The following MAP2 variants were observed in gnomAD, a reference collection of about 807,000 sequenced individuals.
MAP2 encodes microtubule associated protein 2, also known as microtubule-associated protein 2.
A neutral mutation model predicts 137.6 loss-of-function variants in MAP2; 14 were observed. The ratio of observed to expected loss-of-function variants is 0.10; its 90% CI spans 0.07 to 0.16. The LOEUF (loss-of-function observed/expected upper bound fraction) is 0.16. MAP2 is among the 10% of genes least tolerant of loss of function. The probability of loss-of-function intolerance (pLI) is 1.00; values close to 1 mark genes in which losing one functional copy is unlikely to be tolerated. For synonymous variants in MAP2, 786 were observed against 782.3 expected (o/e 1.00, Z -0.08); for missense variants, 2,088 against 2,191.5 (o/e 0.95, Z 0.94).
chr2:209,687,560 C>T (rs1583436882), intron 7 of MAP2, among the ~76,000 whole-genome samples: 1 of 152,248 alleles, frequency 6.6e-6, no homozygotes, highest in East Asian at 1.9e-4. Context: ...TCACTGTCTC[C>T]CATCCTCCAT....
chr2:209,637,487 A>C (rs534005064), intron 4 of MAP2, among the ~76,000 whole-genome samples: 86 of 152,150 alleles, frequency 5.7e-4, no homozygotes, highest in African/African-American at 1.9e-3. Context: ...AGGTAAAATA[A>C]AATAAGGTAA....
intron 2 of MAP2, among the ~76,000 whole-genome samples, chr2:209,575,437 C>A (rs1260000507): frequency 7.3e-6 from 1 of 136,738 alleles, no homozygotes; most frequent in Admixed American, 8.1e-5. Context: ...AGGAGAATGG[C>A]GTGAACCCGG....
rs748319171 is a variant in MAP2 at position 209,653,192 on chromosome 2, G to A, written c.22G>A (p.Glu8Lys). The A allele has an allele frequency of 1.9e-6, 3 of 1,600,428 alleles. No individual in the cohort carries two copies. The highest frequency in any genetic ancestry group is 1.8e-5 in the Admixed American group (1 of 56,542). ...AAGAATGGCAGATGAACGGAAAGAT[G>A]AAGCAAAGGCACCTCACTGGACCTC... MADERKD[E>K]AKAPHWTSAP... The change falls in exon 5 of 16, where the codon GAA becomes AAA. Residue 8 changes from glutamate (E) to lysine (K), a missense_variant. By Grantham distance (56) the Glu-to-Lys change is moderately conservative. Transcript: ENST00000682079.
At chr2:209,570,854 A>G (rs1207258639) in intron 2 of MAP2, among the ~76,000 whole-genome samples, 1 of 151,918 alleles carries the variant, frequency 6.6e-6, no homozygotes, top group African/African-American at 2.4e-5. Context: ...TTTTTGTGAA[A>G]AGGATGATAC....
chr2:209,633,849 C>T (rs1296376824), intron 4 of MAP2, among the ~76,000 whole-genome samples: 5 of 152,056 alleles, frequency 3.3e-5, no homozygotes, highest in African/African-American at 1.2e-4. Flanking sequence ...ACAATGAGGG[C>T]AAATGAAGAG....
intron 5 of MAP2, among the ~76,000 whole-genome samples, chr2:209,669,188 T>A (rs1031052681): frequency 3.3e-5 from 5 of 152,112 alleles, no homozygotes; most frequent in Admixed American, 2.6e-4. Flanking sequence ...GGTTGATGAT[T>A]GCTGCTATTT....
At chr2:209,501,356 C>T (rs1226394438) in intron 1 of MAP2, among the ~76,000 whole-genome samples, 2 of 152,146 alleles carry the variant, frequency 1.3e-5, no homozygotes, top group Non-Finnish European at 2.9e-5. Flanking sequence ...GAGGTATAAT[C>T]AGGCCTATTT....
At chr2:209,491,666 C>T (rs2059132136) in intron 1 of MAP2, among the ~76,000 whole-genome samples, 1 of 152,142 alleles carries the variant, frequency 6.6e-6, no homozygotes, top group Non-Finnish European at 1.5e-5. Context: ...CTATAAAACA[C>T]CTCTACACAA....
At position 209,694,608 on chromosome 2, in the gene MAP2, C is replaced by G. The variant is rs995015801; in HGVS notation, c.2438C>G (p.Ala813Gly). Residue 813 changes from alanine to glycine, a missense_variant, in exon 8 of 16, where the codon GCA becomes GGA. This residue lies in a region of MAP2 where 500 missense variants were observed against 482.9 expected (regional missense o/e 1.04). Coordinates refer to ENST00000682079, the MANE Select transcript of MAP2 (RefSeq NM_001375505.1). Reference sequence around the variant, plus strand: ...GACCTTCCTGAAATGCTAGATCTGGCAGGCACAAGGTCAAGATTGGCTTCT... The same window carrying G: ...GACCTTCCTGAAATGCTAGATCTGGGAGGCACAAGGTCAAGATTGGCTTCT... ...APDLPEMLDL[A>G]GTRSRLASVS... 4.2e-5 allele frequency: 68 copies of G among 1,613,984 alleles called. No homozygotes were observed. Among genetic ancestry groups the G allele is most frequent in the Non-Finnish European group, 5.6e-5 (66 of 1,179,916 alleles).
intron 1 of MAP2, among the ~76,000 whole-genome samples, chr2:209,470,118 A>C (rs1403616430): frequency 1.3e-5 from 2 of 152,184 alleles, no homozygotes; most frequent in African/African-American, 4.8e-5. Context: ...ATATTTTTTT[A>C]ATATAGCAAA....
chr2:209,666,472 C>T (rs751644062), intron 5 of MAP2, among the ~76,000 whole-genome samples: 17 of 151,954 alleles, frequency 1.1e-4, no homozygotes, highest in African/African-American at 3.4e-4. Context: ...AAGAGGATAA[C>T]GAGAAAGGAA....
intron 5 of MAP2, among the ~76,000 whole-genome samples, chr2:209,659,397 C>A (rs1582577765): frequency 1.3e-5 from 2 of 152,222 alleles, no homozygotes; most frequent in Admixed American, 6.5e-5. Flanking sequence ...GATGACTTTT[C>A]ACAGTAGATA....
At chr2:209,525,796 T>C (rs550467075) in intron 2 of MAP2, among the ~76,000 whole-genome samples, 4 of 152,306 alleles carry the variant, frequency 2.6e-5, no homozygotes, top group Non-Finnish European at 5.9e-5. Flanking sequence ...ATAAATAACT[T>C]TGTCCAAACT....
At chr2:209,575,445 C>G (rs749072213) in intron 2 of MAP2, among the ~76,000 whole-genome samples, 1 of 134,714 alleles carries the variant, frequency 7.4e-6, no homozygotes, top group East Asian at 2.4e-4. Flanking sequence ...GGCGTGAACC[C>G]GGGAGGTGGA....
chr2:209,595,636 C>A (rs568460562), intron 3 of MAP2, among the ~76,000 whole-genome samples: 1 of 152,200 alleles, frequency 6.6e-6, no homozygotes, highest in Non-Finnish European at 1.5e-5. Context: ...ATAAATCATG[C>A]TACTATAAAG....
intron 2 of MAP2, among the ~76,000 whole-genome samples, chr2:209,571,359 A>G (rs2074369402): frequency 1.3e-5 from 2 of 152,004 alleles, no homozygotes; most frequent in African/African-American, 4.8e-5. Flanking sequence ...ACAGTCTCTC[A>G]TACTACTTTC....
chr2:209,558,347 C>G (rs2071168884), intron 2 of MAP2, among the ~76,000 whole-genome samples: 1 of 152,078 alleles, frequency 6.6e-6, no homozygotes, highest in Admixed American at 6.6e-5. Context: ...CACCACCAAG[C>G]CCAGCTAATT....
Position 209,663,493 on chromosome 2 carries a change from G to A in MAP2, c.262+10061G>A, listed in dbSNP as rs1382163180. On this transcript the variant is annotated intron_variant, in intron 5 of 15. Coordinates refer to ENST00000682079, the MANE Select transcript of MAP2 (RefSeq NM_001375505.1). ...AAACCAGCCAAGCTGATGAGCAGAG[G>A]AAGGGGAAAACATATGTCATAGGTT... Among the ~76,000 whole-genome samples, 4 of 152,184 alleles carry A rather than the reference G, an allele frequency of 2.6e-5. No homozygotes were observed. In the East Asian group the frequency reaches 5.8e-4, roughly 22 times the overall value.
intron 13 of MAP2, among the ~76,000 whole-genome samples, chr2:209,715,081 A>G (rs553479766): frequency 1.2e-4 from 19 of 152,286 alleles, no homozygotes; most frequent in African/African-American, 4.6e-4. Context: ...TTGATACACT[A>G]TTAAAATACA....
Sources: allele counts gnomAD v4.1 joint callset (sites outside exome capture counted in the v4.1 genomes callset), GRCh38; gene constraint gnomAD v4.1.1; regional missense constraint gnomAD v4.1.1; transcripts MANE v1.5; gene names NCBI Gene and HGNC (gene_info 2026-07-23, HGNC 2026-07-21).